The following CRTC1 variants were observed in gnomAD, a reference collection of about 807,000 sequenced individuals.
The protein encoded by CRTC1 is CREB regulated transcription coactivator 1.
A neutral mutation model predicts 66.1 loss-of-function variants in CRTC1; 18 were observed. The observed-to-expected ratio is 0.27, with a 90% CI of 0.19 to 0.40. The LOEUF (loss-of-function observed/expected upper bound fraction) is 0.40. CRTC1 is among the 10% of genes least tolerant of loss of function. CRTC1 has a pLI of 1.00. For missense variants in CRTC1, 669 were observed against 887.9 expected (o/e 0.75, Z 3.13); for synonymous variants, 416 against 398.8 (o/e 1.04, Z -0.51).
At chr19:18,761,750 G>A (rs1169521073) in intron 8 of CRTC1, among the ~76,000 whole-genome samples, 1 of 152,172 alleles carries the variant, frequency 6.6e-6, no homozygotes, top group Admixed American at 6.5e-5. Flanking sequence ...AGGCGTTCCT[G>A]GCTTTGGTGC....
intron 6 of CRTC1, among the ~76,000 whole-genome samples, chr19:18,754,902 T>G (rs999188448): frequency 6.6e-6 from 1 of 152,190 alleles, no homozygotes; most frequent in Non-Finnish European, 1.5e-5. Flanking sequence ...GGTGGTGCTG[T>G]CAGCCCTTTA....
At position 18,777,353 on chromosome 19, in the gene CRTC1, G is replaced by A. The variant is rs760856518; in HGVS notation, c.1876G>A (p.Glu626Lys). Residue 626 changes from glutamate (E) to lysine (K), a missense_variant, in exon 14 of 14, where the codon GAG (glutamate) becomes AAG (lysine). Coordinates refer to ENST00000321949, the MANE Select transcript of CRTC1 (RefSeq NM_015321.3). The surrounding 1 kb of genome is among the most constrained non-coding windows in gnomAD (Gnocchi z 5.5). ...PDMVLADPAT[E>K]DTFRMDRL ...CATGGTTCTGGCCGACCCAGCCACCGAGGACACCTTCCGGATGGACCGCCT... is the reference window on the plus strand; with the variant it reads ...CATGGTTCTGGCCGACCCAGCCACCAAGGACACCTTCCGGATGGACCGCCT... The A allele has an allele frequency of 3.1e-6, 5 of 1,606,128 alleles. No homozygotes were observed. Among genetic ancestry groups the A allele is most frequent in the Non-Finnish European group, 4.2e-6 (5 of 1,179,926 alleles).
intron 1 of CRTC1, among the ~76,000 whole-genome samples, chr19:18,701,383 G>A (rs141664133): frequency 6.6e-6 from 1 of 152,382 alleles, no homozygotes; most frequent in Non-Finnish European, 1.5e-5. Context: ...GTCTGGCCCC[G>A]TGCCCGGCCC....
chr19:18,775,549 C>G (rs1001542705), intron 12 of CRTC1, 92 bp from the exon 13 acceptor site: 2 of 1,165,206 alleles, frequency 1.7e-6, no homozygotes, highest in Non-Finnish European at 2.4e-6. Flanking sequence ...TCCCCAGCTG[C>G]GGGCAGGACA....
Position 18,749,884 on chromosome 19 carries a change from A to G in CRTC1, c.538+9A>G. 1 of 1,611,440 alleles carries G rather than the reference A, an allele frequency of 6.2e-7. No individual in the cohort carries two copies. On this transcript the variant is annotated intron_variant, in intron 5 of 13. Transcript: ENST00000321949. ...CGTGCACCAGAAAAGAGGTATGGAC[A>G]GGGGACTCGGGTGTCTCTGCTGGGG...
At chr19:18,701,114 G>A (rs556201688) in intron 1 of CRTC1, among the ~76,000 whole-genome samples, 4 of 152,386 alleles carry the variant, frequency 2.6e-5, no homozygotes, top group African/African-American at 7.2e-5. Context: ...TGTTCGGCAA[G>A]GAGCCCGCTA....
chr19:18,768,847 G>T lies in CRTC1; in HGVS notation c.1320+54G>T. The T allele has an allele frequency of 2.6e-6, 4 of 1,530,820 alleles. No homozygotes were observed. The highest frequency in any genetic ancestry group is 2.6e-6 in the Non-Finnish European group (3 of 1,139,590). The allele number at this position is 1,530,820 out of a possible 1,614,324, so 94.8% of individuals were successfully genotyped here. On this transcript the variant is annotated intron_variant, in intron 10 of 13. Coordinates refer to ENST00000321949, the MANE Select transcript of CRTC1 (RefSeq NM_015321.3). The surrounding 1 kb of genome is among the most constrained non-coding windows in gnomAD (Gnocchi z 5.6). ...CTGACTGGGGGTCTTGTAGAGGACA[G>T]CCCGGGGGCTGCAGAACAGTCGGGT...
chr19:18,776,884 C>T (rs2055001055), intron 13 of CRTC1, among the ~76,000 whole-genome samples: 1 of 152,170 alleles, frequency 6.6e-6, no homozygotes, highest in East Asian at 1.9e-4. Flanking sequence ...GTCATGCTGA[C>T]GTGCATCAGT....
At chr19:18,747,754 A>T (rs1205425487) in intron 4 of CRTC1, among the ~76,000 whole-genome samples, 1 of 152,188 alleles carries the variant, frequency 6.6e-6, no homozygotes. Flanking sequence ...TGATGATAAA[A>T]TTATATTAAC....
rs35465891 is a variant in CRTC1, at chr19:18,728,815, C to CTTTTTTTTTTTTTTTTT, written c.127-14080_127-14079insTTTTTTTTTTTTTTTTT. Among the ~76,000 whole-genome samples the CTTTTTTTTTTTTTTTTT allele has an allele frequency of 5.0e-4, 40 of 79,370 alleles. 6 individuals carry two copies. Among genetic ancestry groups the CTTTTTTTTTTTTTTTTT allele is most frequent in the African/African-American group, 1.9e-3 (32 of 16,932 alleles). The allele number at this position is 79,370 out of a possible 152,430, so 52.1% of individuals were successfully genotyped here. On this transcript the variant is annotated intron_variant, in intron 1 of 13. Coordinates refer to ENST00000321949, the MANE Select transcript of CRTC1 (RefSeq NM_015321.3). ...ACAGGTGTGAGCCACCTCACCTGGC[C>CTTTTTTTTTTTTTTTTT]TTTTTTTTTTTTTTTGAGACAGAGT... is the stretch of plus-strand genomic sequence containing the variant.
intron 4 of CRTC1, among the ~76,000 whole-genome samples, chr19:18,749,220 C>T (rs770893957): frequency 7.9e-5 from 12 of 152,182 alleles, no homozygotes; most frequent in Non-Finnish European, 1.5e-4. Context: ...TTCCCAACCA[C>T]GGGGGCCTCT....
intron 1 of CRTC1, among the ~76,000 whole-genome samples, chr19:18,697,500 G>A (rs1011477822): frequency 1.3e-5 from 2 of 152,202 alleles, no homozygotes; most frequent in African/African-American, 4.8e-5. Context: ...GGTAGAGATG[G>A]GGTTTCACCA....
chr19:18,715,892 C>G (rs975309957), intron 1 of CRTC1, among the ~76,000 whole-genome samples: 1 of 152,220 alleles, frequency 6.6e-6, no homozygotes, highest in African/African-American at 2.4e-5. Context: ...AGCCCACGCT[C>G]CTTCCTGCCA....
At chr19:18,746,302 C>T (rs937686571) in intron 3 of CRTC1, among the ~76,000 whole-genome samples, 1 of 152,192 alleles carries the variant, frequency 6.6e-6, no homozygotes, top group Non-Finnish European at 1.5e-5. Flanking sequence ...AGCCCACAGT[C>T]AGGGCTGTGA....
chr19:18,743,130 G>A (rs942333173), intron 2 of CRTC1, 104 bp downstream of exon 2: 55 of 906,520 alleles, frequency 6.1e-5, no homozygotes, highest in Non-Finnish European at 9.0e-5. Context: ...GACAGTTGGC[G>A]GAGCCCACCC....
chr19:18,687,810 A>G (rs1458902570), intron 1 of CRTC1, among the ~76,000 whole-genome samples: 1 of 151,654 alleles, frequency 6.6e-6, no homozygotes, highest in East Asian at 1.9e-4. Context: ...CAAGCACTGA[A>G]GGGTTGGGGG....
chr19:18,763,314 C>T (rs1458562791), intron 8 of CRTC1, among the ~76,000 whole-genome samples: 1 of 152,116 alleles, frequency 6.6e-6, no homozygotes, highest in African/African-American at 2.4e-5. Flanking sequence ...TTGGCCAGGC[C>T]AATCTCAAAC....
At chr19:18,734,111 A>C (rs2053946912) in intron 1 of CRTC1, among the ~76,000 whole-genome samples, 1 of 152,150 alleles carries the variant, frequency 6.6e-6, no homozygotes, top group Admixed American at 6.5e-5. Context: ...TCAAAAAAAA[A>C]AAGTCCAGAA....
chr19:18,725,972 A>G (rs1048326878), intron 1 of CRTC1, among the ~76,000 whole-genome samples: 2 of 152,188 alleles, frequency 1.3e-5, no homozygotes, highest in African/African-American at 4.8e-5. Context: ...GCCTGTGCCC[A>G]TGCAGATCTG....
Sources: gnomAD v4.1 joint callset for allele counts (sites outside exome capture counted in the v4.1 genomes callset) on GRCh38, gnomAD v4.1.1 for gene constraint, Gnocchi (gnomAD v3.1) non-coding constraint, MANE v1.5 for transcripts, NCBI Gene and HGNC (gene_info 2026-07-23, HGNC 2026-07-21) for gene names.